The following ASIC2 variants were observed in gnomAD, a reference collection of about 807,000 sequenced individuals.
ASIC2 encodes the protein acid sensing ion channel subunit 2.
ASIC2 carries 25 observed loss-of-function variants against 57.3 expected under a neutral mutation model. That is an observed-to-expected ratio of 0.44 (90% confidence interval 0.32 to 0.61). The LOEUF (loss-of-function observed/expected upper bound fraction) is 0.61. Among genes scored for constraint, ASIC2 ranks in the 20% least tolerant of loss-of-function variants. The pLI, the probability that ASIC2 is intolerant of heterozygous loss-of-function variation, is 0.06. For synonymous variants in ASIC2, 319 were observed against 307.5 expected (o/e 1.04, Z -0.39); for missense variants, 641 against 738.1 (o/e 0.87, Z 1.52).
At chr17:34,138,341 C>T (rs908558649) in intron 1 of ASIC2, among the ~76,000 whole-genome samples, 7 of 152,176 alleles carry the variant, frequency 4.6e-5, no homozygotes, top group African/African-American at 1.7e-4. Flanking sequence ...ATCATTAATT[C>T]AGGTAGTTTA....
intron 1 of ASIC2, among the ~76,000 whole-genome samples, chr17:33,518,492 A>G (rs1224254849): frequency 2.0e-5 from 3 of 152,130 alleles, no homozygotes; most frequent in Admixed American, 6.5e-5. Flanking sequence ...GCTCCATCAG[A>G]TCTGGGTGGG....
At chr17:33,152,756 C>G (rs943409999) in intron 1 of ASIC2, among the ~76,000 whole-genome samples, 1 of 152,220 alleles carries the variant, frequency 6.6e-6, no homozygotes, top group Non-Finnish European at 1.5e-5. Context: ...GTACATCATC[C>G]CTTTCCTGGT....
intron 1 of ASIC2, among the ~76,000 whole-genome samples, chr17:33,912,745 G>A (rs1027095820): frequency 1.1e-4 from 17 of 151,590 alleles, no homozygotes; most frequent in African/African-American, 3.4e-4. Flanking sequence ...TTTGGGAGGC[G>A]GAGGTGGGCG....
At chr17:33,951,312 G>C (rs1282799305) in intron 1 of ASIC2, among the ~76,000 whole-genome samples, 1 of 151,942 alleles carries the variant, frequency 6.6e-6, no homozygotes, top group Non-Finnish European at 1.5e-5. Context: ...GGCTCTGTGA[G>C]GATAAATATC....
intron 1 of ASIC2, among the ~76,000 whole-genome samples, chr17:33,141,247 G>C (rs900990415): frequency 6.6e-6 from 1 of 152,240 alleles, no homozygotes; most frequent in Non-Finnish European, 1.5e-5. Flanking sequence ...AAAGTATCTA[G>C]AGCATCCCTT....
intron 1 of ASIC2, among the ~76,000 whole-genome samples, chr17:33,802,843 T>C (rs558569068): frequency 1.3e-4 from 20 of 152,326 alleles, no homozygotes; most frequent in African/African-American, 4.8e-4. Flanking sequence ...TGCTCTTTCG[T>C]GGGGTTGAGG....
chr17:33,762,912 T>G (rs1055700277), intron 1 of ASIC2, among the ~76,000 whole-genome samples: 1 of 152,214 alleles, frequency 6.6e-6, no homozygotes, highest in Non-Finnish European at 1.5e-5. Flanking sequence ...CCTTGGCTCC[T>G]GTCAGATACT....
chr17:33,474,455 G>T (rs1913154003), intron 1 of ASIC2, among the ~76,000 whole-genome samples: 1 of 152,236 alleles, frequency 6.6e-6, no homozygotes, highest in Non-Finnish European at 1.5e-5. Flanking sequence ...AGGGACTAGT[G>T]AGAAAGGAAT....
intron 1 of ASIC2, among the ~76,000 whole-genome samples, chr17:33,229,448 C>T (rs1908007870): frequency 6.6e-6 from 1 of 152,202 alleles, no homozygotes; most frequent in African/African-American, 2.4e-5. Flanking sequence ...TCTGCACTGG[C>T]TACACGCAGG....
intron 1 of ASIC2, among the ~76,000 whole-genome samples, chr17:33,698,477 C>T: frequency 6.6e-6 from 1 of 152,098 alleles, no homozygotes; most frequent in Non-Finnish European, 1.5e-5. Context: ...AAGGTGGAAG[C>T]TGAGATTCAA....
chr17:33,325,050 A>T (rs1907019464), intron 1 of ASIC2, among the ~76,000 whole-genome samples: 1 of 152,192 alleles, frequency 6.6e-6, no homozygotes, highest in Non-Finnish European at 1.5e-5. Flanking sequence ...TTTCCGCCTG[A>T]CATGCTTTCC....
At chr17:33,380,633 G>T (rs951882809) in intron 1 of ASIC2, among the ~76,000 whole-genome samples, 3 of 152,222 alleles carry the variant, frequency 2.0e-5, no homozygotes, top group Non-Finnish European at 2.9e-5. Context: ...CTTTTCAGTG[G>T]TTGATCCCTC....
At chr17:33,418,742 C>T (rs1404395718) in intron 1 of ASIC2, among the ~76,000 whole-genome samples, 1 of 152,096 alleles carries the variant, frequency 6.6e-6, no homozygotes, top group Non-Finnish European at 1.5e-5. Context: ...GTTTTGGTAC[C>T]AGTACCATGC....
intron 1 of ASIC2, among the ~76,000 whole-genome samples, chr17:34,009,729 C>T (rs927471226): frequency 2.0e-5 from 3 of 152,098 alleles, no homozygotes; most frequent in Non-Finnish European, 2.9e-5. Context: ...TAAAAACAGG[C>T]CTTGAGGAGT....
At chr17:33,619,377 T>C (rs1242396546) in intron 1 of ASIC2, among the ~76,000 whole-genome samples, 1 of 152,086 alleles carries the variant, frequency 6.6e-6, no homozygotes, top group Non-Finnish European at 1.5e-5. Flanking sequence ...CAATAATAAA[T>C]TACTTCTTTA....
intron 1 of ASIC2, among the ~76,000 whole-genome samples, chr17:34,096,454 T>G (rs941477988): frequency 5.9e-5 from 9 of 152,066 alleles, no homozygotes; most frequent in African/African-American, 1.4e-4. Flanking sequence ...AATTATGACA[T>G]CAAAGGTGCC....
intron 1 of ASIC2, among the ~76,000 whole-genome samples, chr17:33,540,994 T>C (rs1176856644): frequency 6.6e-6 from 1 of 152,206 alleles, no homozygotes; most frequent in Non-Finnish European, 1.5e-5. Context: ...AAGAGAATCC[T>C]TCATTACATT....
At chr17:33,231,272 C>T (rs547041421) in intron 1 of ASIC2, among the ~76,000 whole-genome samples, 16 of 152,346 alleles carry the variant, frequency 1.1e-4, no homozygotes, top group Non-Finnish European at 2.1e-4. Flanking sequence ...GTAAATGTAT[C>T]TCCATGCCTC....
At chr17:33,267,749 C>T (rs572883593) in intron 1 of ASIC2, among the ~76,000 whole-genome samples, 29 of 152,156 alleles carry the variant, frequency 1.9e-4, no homozygotes, top group Admixed American at 7.8e-4. Context: ...GATGGTGCTC[C>T]GGGGAGGGAC....
Sources: gnomAD v4.1 joint callset for allele counts (sites outside exome capture counted in the v4.1 genomes callset) on GRCh38, gnomAD v4.1.1 for gene constraint, MANE v1.5 for transcripts, NCBI Gene and HGNC (gene_info 2026-07-23, HGNC 2026-07-21) for gene names.